Variants in SERPINB12 observed in about 807,000 individuals in gnomAD.
SERPINB12 encodes serpin family B member 12.
SERPINB12 carries 57 observed loss-of-function variants against 41.1 expected under a neutral mutation model. The ratio of observed to expected loss-of-function variants is 1.39; its 90% CI spans 1.12 to 1.73. SERPINB12 has a LOEUF of 1.73. SERPINB12 is among the 40% of genes most tolerant of loss of function. The pLI, the probability that SERPINB12 is intolerant of heterozygous loss-of-function variation, is 0.00. For synonymous variants in SERPINB12, 180 were observed against 181.3 expected (o/e 0.99, Z 0.06); for missense variants, 536 against 501.9 (o/e 1.07, Z -0.65).
chr18:63,564,227 G>C (rs1599428211), intron 6 of SERPINB12, 107 bp downstream of exon 6: 1 of 1,255,186 alleles, frequency 8.0e-7, no homozygotes, highest in African/African-American at 1.5e-5. Context: ...TTTACAATAA[G>C]AACATTTTTC....
chr18:63,537,757 G>C (rs1910202590), upstream of SERPINB12, among the ~76,000 whole-genome samples: 1 of 152,046 alleles, frequency 6.6e-6, no homozygotes, highest in Non-Finnish European at 1.5e-5. Flanking sequence ...ACTCATAAAG[G>C]TTGTCACATT....
intron 1 of SERPINB12, among the ~76,000 whole-genome samples, chr18:63,550,855 C>G (rs1910506948): frequency 6.6e-6 from 1 of 152,054 alleles, no homozygotes; most frequent in African/African-American, 2.4e-5. Context: ...TGCTACTGTC[C>G]CTACCTGTGG....
At chr18:63,532,353 G>A in the SERPINB12 span, among the ~76,000 whole-genome samples, 3,791 of 152,236 alleles carry the variant, frequency 0.025, 165 homozygotes, top group African/African-American at 0.087. Flanking sequence ...AGAAGGCCAC[G>A]TAGGTTATAG....
chr18:63,560,926 T>A (rs902469440), intron 4 of SERPINB12, among the ~76,000 whole-genome samples, 159 bp from the exon 5 acceptor site: 3 of 152,210 alleles, frequency 2.0e-5, no homozygotes, highest in Admixed American at 2.0e-4. Flanking sequence ...CTGGCTAGTT[T>A]AAGACTGGGG....
intron 1 of SERPINB12, among the ~76,000 whole-genome samples, chr18:63,550,065 A>T (rs115580326): frequency 6.2e-4 from 95 of 152,240 alleles, no homozygotes; most frequent in African/African-American, 2.2e-3. Context: ...GCTCAAACTG[A>T]ACAGTAGCTA....
chr18:63,565,977 G>T (rs1283343205), intron 7 of SERPINB12, among the ~76,000 whole-genome samples: 1 of 152,122 alleles, frequency 6.6e-6, no homozygotes, highest in Non-Finnish European at 1.5e-5. Context: ...GTTAATTAAA[G>T]AATTAACTGA....
chr18:63,559,650 A>C lies in SERPINB12; in HGVS notation c.376A>C (p.Ile126Leu), dbSNP rs200040558. The change falls in exon 4 of 8, where the codon ATC (isoleucine) becomes CTC (leucine). Residue 126 changes from isoleucine (I) to leucine (L), a missense_variant. By Grantham distance (5) the Ile-to-Leu change is conservative (BLOSUM62 2). Coordinates refer to ENST00000382768, the MANE Select transcript of SERPINB12 (RefSeq NM_001307928.2). Reference sequence around the variant, plus strand: ...GCAGCTTCTCTCCAAATTAGACAGGATCAAGACTGATTACACACTGAGTAT... The same window carrying C: ...GCAGCTTCTCTCCAAATTAGACAGGCTCAAGACTGATTACACACTGAGTAT... ...FGQLLSKLDR[I>L]KTDYTLSIAN... is the part of the protein sequence containing the mutation. The C allele has an allele frequency of 1.2e-6, 2 of 1,614,026 alleles. No homozygotes were observed. The highest frequency in any genetic ancestry group is 1.7e-6 in the Non-Finnish European group (2 of 1,179,998).
chr18:63,538,038 C>G (rs1910208170), upstream of SERPINB12, among the ~76,000 whole-genome samples: 1 of 151,952 alleles, frequency 6.6e-6, no homozygotes. Flanking sequence ...TTAATAGGTG[C>G]TCAATGATTA....
chr18:63,563,933 T>C (rs1911003304), intron 5 of SERPINB12, 45 bp from the exon 6 acceptor site: 1 of 1,538,942 alleles, frequency 6.5e-7, no homozygotes, highest in African/African-American at 1.4e-5. Flanking sequence ...ACAAATGCTT[T>C]TGATACAATT....
intron 5 of SERPINB12, among the ~76,000 whole-genome samples, chr18:63,563,692 C>A (rs1910990383): frequency 6.6e-6 from 1 of 152,010 alleles, no homozygotes; most frequent in Non-Finnish European, 1.5e-5. Context: ...AGGTCAGGAG[C>A]TCAAGACCAG....
At chr18:63,560,342 C>A (rs1432273079) in intron 4 of SERPINB12, among the ~76,000 whole-genome samples, 1 of 152,146 alleles carries the variant, frequency 6.6e-6, no homozygotes, top group Admixed American at 6.5e-5. Flanking sequence ...GGGGATATGA[C>A]CAATGGCAAA....
intron 5 of SERPINB12, among the ~76,000 whole-genome samples, chr18:63,562,512 G>A (rs1910946661): frequency 1.3e-5 from 2 of 152,048 alleles, no homozygotes; most frequent in South Asian, 2.1e-4. Context: ...TGACAGTTTC[G>A]GTTCCTCCCT....
At chr18:63,549,219 G>A (rs1351193878) in intron 1 of SERPINB12, among the ~76,000 whole-genome samples, 3 of 152,068 alleles carry the variant, frequency 2.0e-5, no homozygotes, top group Admixed American at 6.5e-5. Context: ...AGATTGGAAA[G>A]CACACGGAAA....
chr18:63,561,312 G>A lies in SERPINB12; in HGVS notation c.562+110G>A, dbSNP rs866179324. 8.1e-5 allele frequency: 54 copies of A among 668,134 alleles called. No homozygotes were observed. In the Middle Eastern group the frequency reaches 3.3e-3, roughly 40 times the overall value. 41.4% of individuals were successfully genotyped at this position (668,134 alleles called of 1,614,324 possible). On this transcript the variant is annotated intron_variant, in intron 5 of 7. Coordinates refer to ENST00000382768, the MANE Select transcript of SERPINB12 (RefSeq NM_001307928.2). Reference sequence around the variant, plus strand: ...TACTGGGGGCCAGAGGTTCACATATGTGGACTGTGTTCAAAGCATGGTTTG... The same window carrying A: ...TACTGGGGGCCAGAGGTTCACATATATGGACTGTGTTCAAAGCATGGTTTG...
chr18:63,536,783 A>G, the SERPINB12 span, among the ~76,000 whole-genome samples: 24 of 152,138 alleles, frequency 1.6e-4, no homozygotes, highest in African/African-American at 5.8e-4. Context: ...ACCTATCACA[A>G]TAATTTGTTT....
intron 1 of SERPINB12, among the ~76,000 whole-genome samples, chr18:63,544,842 A>G (rs1910348720): frequency 6.6e-6 from 1 of 152,208 alleles, no homozygotes. Context: ...TGCTTTAGAT[A>G]AAAGATGCAT....
chr18:63,528,145 T>C, the SERPINB12 span, among the ~76,000 whole-genome samples: 2 of 152,150 alleles, frequency 1.3e-5, no homozygotes, highest in Non-Finnish European at 2.9e-5. Context: ...ATGTCTTTAT[T>C]AGCCCCATAA....
chr18:63,542,890 G>T (rs572331398), intron 1 of SERPINB12, among the ~76,000 whole-genome samples: 1 of 152,226 alleles, frequency 6.6e-6, no homozygotes, highest in East Asian at 1.9e-4. Context: ...AGAACATGTG[G>T]TATTTGTTTT....
intron 1 of SERPINB12, among the ~76,000 whole-genome samples, chr18:63,546,014 C>G (rs1910379224): frequency 6.6e-6 from 1 of 152,144 alleles, no homozygotes; most frequent in African/African-American, 2.4e-5. Flanking sequence ...TGGTCAATAT[C>G]TTATAAAACT....
Sources: gnomAD v4.1 joint callset for allele counts (sites outside exome capture counted in the v4.1 genomes callset) on GRCh38, gnomAD v4.1.1 for gene constraint, MANE v1.5 for transcripts, NCBI Gene and HGNC (gene_info 2026-07-23, HGNC 2026-07-21) for gene names.